The following EIF4E1B variants were observed in gnomAD, a reference collection of about 807,000 sequenced individuals.
The protein encoded by EIF4E1B is eukaryotic translation initiation factor 4E type 1B.
In EIF4E1B, 22 loss-of-function variants were observed where a neutral mutation model predicts 31.3. That is an observed-to-expected ratio of 0.70 (90% CI 0.50 to 1.00). The LOEUF (loss-of-function observed/expected upper bound fraction) is 1.00, where lower values mean the gene tolerates loss of function less well. EIF4E1B is among the 50% of genes least tolerant of loss of function. EIF4E1B has a pLI of 0.00. For missense variants in EIF4E1B, 290 were observed against 311.6 expected (o/e 0.93, Z 0.52); for synonymous variants, 126 against 120.2 (o/e 1.05, Z -0.31).
intron 1 of EIF4E1B, among the ~76,000 whole-genome samples, chr5:176,636,133 A>G (rs1772666510): frequency 6.6e-6 from 1 of 152,140 alleles, no homozygotes; most frequent in African/African-American, 2.4e-5. Context: ...ACCAATTATT[A>G]GCATTTGCTA....
In EIF4E1B at chr5:176,645,186, G is replaced by A; in HGVS notation, c.417G>A (p.Leu139=). 6.3e-7 allele frequency: 1 copy of A among 1,583,754 alleles called. No individual in the cohort carries two copies. The change falls in exon 7 of 9, where the codon CTG becomes CTA. Residue 139 remains leucine (L), a synonymous_variant. Transcript: ENST00000318682. This position sits in a 1 kb window ranked among gnomAD's most constrained non-coding sequence, Gnocchi z 5.4. The part of the protein sequence containing the change: ...DSRNKRGGRW[L]VSLAKQQRHI... ...GGAATAAACGGGGTGGCCGCTGGCT[G>A]GTCAGCCTGGCCAAGCAGCAGCGCC...
intron 5 of EIF4E1B, 148 bp downstream of exon 5, chr5:176,643,882 ACCACCCC>A (rs1332222548): frequency 4.7e-5 from 34 of 718,830 alleles, no homozygotes; most frequent in Middle Eastern, 7.8e-4. Flanking sequence ...ATAGGGCACA[ACCACCCC>A]CCACCCCACC....
At chr5:176,635,048 G>A (rs1166667183) in intron 1 of EIF4E1B, among the ~76,000 whole-genome samples, 2 of 152,082 alleles carry the variant, frequency 1.3e-5, no homozygotes, top group African/African-American at 4.8e-5. Context: ...TTAGCATAGA[G>A]GTGGTGGCTG....
Position 176,644,376 on chromosome 5 carries a change from G to GC in EIF4E1B, c.298dup (p.Leu100ProfsTer16). ...GCATGGGGTCGGGGGCTCTGTCCAGGCTATACAGTCACATCCAGCTGGCCA... is the reference window on the plus strand; with the variant it reads ...GCATGGGGTCGGGGGCTCTGTCCAGGCCTATACAGTCACATCCAGCTGGCCA... On this transcript the variant is annotated frameshift_variant and splice_region_variant, in exon 6 of 9. Transcript: ENST00000318682. LOFTEE classifies it high-confidence loss of function. 1 of 1,588,128 alleles carries GC rather than the reference G, an allele frequency of 6.3e-7. No homozygotes were observed. The highest frequency in any genetic ancestry group is 8.6e-7 in the Non-Finnish European group (1 of 1,167,056).
chr5:176,636,905 C>G (rs1760502324), intron 1 of EIF4E1B, among the ~76,000 whole-genome samples: 1 of 152,172 alleles, frequency 6.6e-6, no homozygotes, highest in Non-Finnish European at 1.5e-5. Flanking sequence ...GGAGATGCAG[C>G]AGGAAATCAG....
chr5:176,636,540 C>G (rs946627773), intron 1 of EIF4E1B, among the ~76,000 whole-genome samples: 1 of 152,224 alleles, frequency 6.6e-6, no homozygotes, highest in East Asian at 1.9e-4. Flanking sequence ...TCCAGCCCCG[C>G]CTGGGTTCTG....
At chr5:176,643,364 A>G in intron 4 of EIF4E1B, 98 bp downstream of exon 4, 2 of 1,419,202 alleles carry the variant, frequency 1.4e-6, no homozygotes, top group Non-Finnish European at 1.9e-6. Context: ...TCTTGGCCCT[A>G]GCTCTTCATC....
Position 176,646,053 on chromosome 5 carries a change from G to A in EIF4E1B, c.*73G>A. ...CCTCATTACTTTGGGGGATGGGGCG[G>A]GACTGGGGATCAGACAGCCTAGTTC... On this transcript the variant is annotated 3_prime_UTR_variant, in exon 9 of 9. Coordinates refer to ENST00000318682, the MANE Select transcript of EIF4E1B (RefSeq NM_001099408.2). The A allele has an allele frequency of 1.5e-6, 2 of 1,328,278 alleles. No individual in the cohort carries two copies. Among genetic ancestry groups the A allele is most frequent in the South Asian group, 1.3e-5 (1 of 78,728 alleles). 82.3% of individuals were successfully genotyped at this position (1,328,278 alleles called of 1,614,324 possible).
At chr5:176,642,857 C>CCA (rs1554151052) in intron 3 of EIF4E1B, 55 bp downstream of exon 3, 2 of 1,276,772 alleles carry the variant, frequency 1.6e-6, no homozygotes, top group African/African-American at 4.5e-5. Context: ...CCTCTCCCCC[C>CCA]CCCCCCCCGC....
chr5:176,643,751 A>G lies in EIF4E1B; in HGVS notation c.296+17A>G. ...CTTCTGGGCGTGAGTGTCTGTCCCC[A>G]GTGGGGCTAGAGTTGGGGGGCTCTG... On this transcript the variant is annotated intron_variant, in intron 5 of 8. Coordinates refer to ENST00000318682, the MANE Select transcript of EIF4E1B (RefSeq NM_001099408.2). The G allele has an allele frequency of 6.2e-7, 1 of 1,606,104 alleles. No homozygotes were observed. The highest frequency in any genetic ancestry group is 2.2e-5 in the East Asian group (1 of 44,596).
chr5:176,645,440 A>T lies in EIF4E1B; in HGVS notation c.538A>T (p.Asn180Tyr). ...HSREVCGAVV[N>Y]IRTKGDKIAV... ...CAGAGAGGTATGTGGGGCCGTCGTC[A>T]ACATCCGCACCAAGGGGGACAAGAT... The change falls in exon 8 of 9, where the codon AAC (asparagine) becomes TAC (tyrosine). Residue 180 changes from asparagine (N) to tyrosine (Y), a missense_variant. By Grantham distance (143) the Asn-to-Tyr change is moderately radical. Transcript: ENST00000318682. This position sits in a 1 kb window ranked among gnomAD's most constrained non-coding sequence, Gnocchi z 5.4. 6.6e-7 allele frequency: 1 copy of T among 1,515,784 alleles called. No homozygotes were observed. The allele number at this position is 1,515,784 out of a possible 1,614,324, so 93.9% of individuals were successfully genotyped here.
Position 176,645,250 on chromosome 5 carries a change from T to C in EIF4E1B, c.474+7T>C. On this transcript the variant is annotated splice_region_variant and intron_variant, in intron 7 of 8. Transcript: ENST00000318682. The surrounding 1 kb of genome is among the most constrained non-coding windows in gnomAD (Gnocchi z 5.4). Reference sequence around the variant, plus strand: ...CCGGCTGTGGCTGGAGACGGTGAGTTGGAGGAGGAGGGTCCTCAGGGGAAG... The same window carrying C: ...CCGGCTGTGGCTGGAGACGGTGAGTCGGAGGAGGAGGGTCCTCAGGGGAAG... 6.2e-7 allele frequency: 1 copy of C among 1,602,144 alleles called. No individual in the cohort carries two copies. Among genetic ancestry groups the C allele is most frequent in the East Asian group, 2.3e-5 (1 of 44,304 alleles).
rs1404364899 is a variant in EIF4E1B, at chr5:176,645,455, G to C, written c.553G>C (p.Gly185Arg). The C allele has an allele frequency of 1.3e-6, 2 of 1,517,880 alleles. No homozygotes were observed. The highest frequency in any genetic ancestry group is 1.3e-5 in the South Asian group (1 of 75,280). The allele number at this position is 1,517,880 out of a possible 1,614,324, so 94.0% of individuals were successfully genotyped here. ...GGCCGTCGTCAACATCCGCACCAAG[G>C]GGGACAAGATCGCTGTGTGGACGAG... ...CGAVVNIRTK[G>R]DKIAVWTREA... Residue 185 changes from glycine to arginine, a missense_variant, in exon 8 of 9, where the codon GGG becomes CGG. Physicochemically the swap from Gly to Arg is moderately radical, Grantham distance 125. Transcript: ENST00000318682. The surrounding 1 kb of genome is among the most constrained non-coding windows in gnomAD (Gnocchi z 5.4).
chr5:176,637,710 G>A (rs1040915566), intron 1 of EIF4E1B, among the ~76,000 whole-genome samples: 10 of 152,174 alleles, frequency 6.6e-5, no homozygotes, highest in Admixed American at 2.0e-4. Context: ...ATGACTGAAG[G>A]CCACTGTGGC....
chr5:176,644,899 A>T (rs1286028172), intron 6 of EIF4E1B, among the ~76,000 whole-genome samples: 1 of 151,992 alleles, frequency 6.6e-6, no homozygotes, highest in Admixed American at 6.6e-5. Context: ...GTCTTAAGGA[A>T]CTCAGTAAAA....
chr5:176,642,935 C>A, intron 3 of EIF4E1B, 133 bp downstream of exon 3: 2 of 1,371,320 alleles, frequency 1.5e-6, no homozygotes, highest in South Asian at 1.4e-5. Context: ...GATGCTGGGT[C>A]CTCCATGGAG....
rs1760654068 is a variant in EIF4E1B at position 176,644,406 on chromosome 5, G to T, written c.327G>T (p.Lys109Asn). The change falls in exon 6 of 9, where the codon AAG becomes AAT. Residue 109 changes from lysine (K) to asparagine (N), a missense_variant. Coordinates refer to ENST00000318682, the MANE Select transcript of EIF4E1B (RefSeq NM_001099408.2). Reference sequence around the variant, plus strand: ...ACAGTCACATCCAGCTGGCCAGCAAGCTCTCCTCTGGCTGTGACTACGCCC... The same window carrying T: ...ACAGTCACATCCAGCTGGCCAGCAATCTCTCCTCTGGCTGTGACTACGCCC... ...ALYSHIQLAS[K>N]LSSGCDYALF... The T allele has an allele frequency of 3.8e-6, 6 of 1,595,924 alleles. No homozygotes were observed. The highest frequency in any genetic ancestry group is 5.1e-6 in the Non-Finnish European group (6 of 1,171,116).
rs371793644 is a variant in EIF4E1B at position 176,645,775 on chromosome 5, A to G, written c.615-91A>G. 4.0e-6 allele frequency: 5 copies of G among 1,234,828 alleles called. No homozygotes were observed. In the African/African-American group the frequency reaches 6.1e-5, roughly 15 times the overall value. The allele number at this position is 1,234,828 out of a possible 1,614,324, so 76.5% of individuals were successfully genotyped here. A position where few individuals can be genotyped will look rare whatever the true frequency, so the allele number is the denominator to read the frequency against. ...CACAACAGGTGTGGCTGTGGCCAGA[A>G]TGAGGGTAGGAGTCTGGTGGCCTAA... On this transcript the variant is annotated intron_variant, in intron 8 of 8. Coordinates refer to ENST00000318682, the MANE Select transcript of EIF4E1B (RefSeq NM_001099408.2). The surrounding 1 kb of genome is among the most constrained non-coding windows in gnomAD (Gnocchi z 5.4).
chr5:176,635,069 G>A (rs1419354575), intron 1 of EIF4E1B, among the ~76,000 whole-genome samples: 1 of 152,048 alleles, frequency 6.6e-6, no homozygotes, highest in Non-Finnish European at 1.5e-5. Context: ...GAGCCATAGG[G>A]CTGAGTGTGA....
Sources: allele counts gnomAD v4.1 joint callset (sites outside exome capture counted in the v4.1 genomes callset), GRCh38; gene constraint gnomAD v4.1.1; non-coding constraint Gnocchi (gnomAD v3.1); transcripts MANE v1.5; gene names NCBI Gene and HGNC (gene_info 2026-07-23, HGNC 2026-07-21).